NRCAM: variants seen among roughly 807,000 people sequenced by gnomAD.
The protein encoded by NRCAM is NgCAM-related cell adhesion molecule.
NRCAM carries 83 observed loss-of-function variants against 156.5 expected under a neutral mutation model. That is an observed-to-expected ratio of 0.53 (90% CI 0.44 to 0.64). The LOEUF is 0.64. NRCAM is among the 30% of genes least tolerant of loss of function. The pLI, the probability that NRCAM is intolerant of heterozygous loss-of-function variation, is 0.00. For missense variants in NRCAM, 1,417 were observed against 1,597.3 expected, an observed-to-expected ratio of 0.89 and a Z score of 1.92; for synonymous variants, 538 against 563.9, an observed-to-expected ratio of 0.95 and a Z score of 0.65.
chr7:108,444,880 G>A (rs1018986257), intron 1 of NRCAM, among the ~76,000 whole-genome samples: 5 of 152,026 alleles, frequency 3.3e-5, no homozygotes, highest in Non-Finnish European at 4.4e-5. Flanking sequence ...ATTCTGTGTC[G>A]ACAGAGTCCA....
At chr7:108,346,895 CAT>C in intron 2 of NRCAM, among the ~76,000 whole-genome samples, 1 of 119,322 alleles carries the variant, frequency 8.4e-6, no homozygotes, top group South Asian at 2.8e-4. Flanking sequence ...GTTTAATATT[CAT>C]CATATGTTTA....
intron 3 of NRCAM, among the ~76,000 whole-genome samples, chr7:108,293,748 A>G (rs2098385282): frequency 6.6e-6 from 1 of 152,164 alleles, no homozygotes; most frequent in South Asian, 2.1e-4. Flanking sequence ...ACTCTGCAAG[A>G]TATTATTATT....
intron 1 of NRCAM, among the ~76,000 whole-genome samples, chr7:108,412,145 C>A (rs1796185291): frequency 6.6e-6 from 1 of 151,960 alleles, no homozygotes; most frequent in South Asian, 2.1e-4. Flanking sequence ...ACACTATATA[C>A]CATCAATTTT....
chr7:108,172,075 C>T (rs1159140114), intron 28 of NRCAM, among the ~76,000 whole-genome samples: 1 of 152,120 alleles, frequency 6.6e-6, no homozygotes, highest in Non-Finnish European at 1.5e-5. Flanking sequence ...TAGTTTATCC[C>T]TGTTTCTGTA....
chr7:108,400,108 G>C (rs554870109), intron 1 of NRCAM, among the ~76,000 whole-genome samples: 3 of 152,052 alleles, frequency 2.0e-5, no homozygotes, highest in Non-Finnish European at 4.4e-5. Context: ...CTTTGAAGGC[G>C]GTAAGAAAAT....
intron 2 of NRCAM, among the ~76,000 whole-genome samples, chr7:108,329,376 G>T (rs2099103776): frequency 6.6e-6 from 1 of 152,110 alleles, no homozygotes; most frequent in African/African-American, 2.4e-5. Flanking sequence ...TGTCCAGTAG[G>T]ACCTCATTGT....
At chr7:108,382,679 T>TAGATGCA (rs1475049137) in intron 2 of NRCAM, among the ~76,000 whole-genome samples, 1 of 152,136 alleles carries the variant, frequency 6.6e-6, no homozygotes, top group Non-Finnish European at 1.5e-5. Flanking sequence ...TACCCTGGCA[T>TAGATGCA]CTAAGTACTA....
At chr7:108,386,220 T>C (rs975103200) in intron 2 of NRCAM, among the ~76,000 whole-genome samples, 1 of 152,208 alleles carries the variant, frequency 6.6e-6, no homozygotes, top group African/African-American at 2.4e-5. Context: ...TCTTCATCTA[T>C]ATCATTCTAA....
chr7:108,391,603 T>C (rs1485363647), intron 2 of NRCAM, among the ~76,000 whole-genome samples: 2 of 152,316 alleles, frequency 1.3e-5, no homozygotes, highest in African/African-American at 4.8e-5. Context: ...ATGTGTGAAT[T>C]TGATCCTGTC....
At chr7:108,454,427 G>C (rs1381118347) in intron 1 of NRCAM, among the ~76,000 whole-genome samples, 1 of 152,160 alleles carries the variant, frequency 6.6e-6, no homozygotes, top group African/African-American at 2.4e-5. Context: ...AAAGTTACTT[G>C]GTTTCTCTAA....
At position 108,178,130 on chromosome 7, in the gene NRCAM, C is replaced by T. The variant is rs536756788; in HGVS notation, c.2852-18G>A. On this transcript the variant is annotated intron_variant, in intron 25 of 32. Coordinates refer to ENST00000379028, the MANE Select transcript of NRCAM (RefSeq NM_001037132.4). ...ACTGGGGACTTACAGTGAGAACTTACAGTCAACACAAAGATTTCTGAATGT... is the reference window on the plus strand; with the variant it reads ...ACTGGGGACTTACAGTGAGAACTTATAGTCAACACAAAGATTTCTGAATGT... 44 of 1,606,694 alleles carry T rather than the reference C, an allele frequency of 2.7e-5. No homozygotes were observed. The highest frequency in any genetic ancestry group is 5.1e-5 in the Admixed American group (3 of 58,640).
intron 13 of NRCAM, among the ~76,000 whole-genome samples, chr7:108,202,039 A>G (rs1032898649): frequency 6.6e-6 from 1 of 152,214 alleles, no homozygotes; most frequent in African/African-American, 2.4e-5. Flanking sequence ...TGGGCTGGCT[A>G]GTGGGTAGAG....
intron 1 of NRCAM, among the ~76,000 whole-genome samples, chr7:108,403,850 T>G (rs1281722588): frequency 1.3e-5 from 2 of 152,230 alleles, no homozygotes; most frequent in African/African-American, 2.4e-5. Context: ...TTTTAGGTCA[T>G]CGGTATCCCC....
At position 108,446,976 on chromosome 7, in the gene NRCAM, C is replaced by T. The variant is rs531633609; in HGVS notation, c.-332+9267G>A. Among the ~76,000 whole-genome samples, 22 of 152,108 alleles carry T rather than the reference C, an allele frequency of 1.4e-4. No homozygotes were observed. The East Asian group carries it at 4.1e-3, about 28-fold the overall frequency. Reference sequence around the variant, plus strand: ...AATTCCCGACCTCAAGTGATCTGCCCGCCCAGGCCTCCCAAAGTGCTGGGA... The same window carrying T: ...AATTCCCGACCTCAAGTGATCTGCCTGCCCAGGCCTCCCAAAGTGCTGGGA... On this transcript the variant is annotated intron_variant, in intron 1 of 32. Coordinates refer to ENST00000379028, the MANE Select transcript of NRCAM (RefSeq NM_001037132.4).
intron 2 of NRCAM, among the ~76,000 whole-genome samples, chr7:108,368,224 A>C (rs868248224): frequency 0.012 from 1,068 of 90,876 alleles, no homozygotes; most frequent in Middle Eastern, 0.025. Flanking sequence ...ACACTTTCAT[A>C]CCCCCCCCCA....
At chr7:108,204,888 T>C (rs938919072) in intron 13 of NRCAM, among the ~76,000 whole-genome samples, 2 of 152,236 alleles carry the variant, frequency 1.3e-5, no homozygotes, top group Admixed American at 1.3e-4. Context: ...CTACTCTTTC[T>C]GCTATTACTA....
At chr7:108,314,059 A>G (rs186859556) in intron 2 of NRCAM, among the ~76,000 whole-genome samples, 1 of 152,364 alleles carries the variant, frequency 6.6e-6, no homozygotes, top group South Asian at 2.1e-4. Context: ...CGCTCTAAAA[A>G]GCACAGATAT....
intron 14 of NRCAM, among the ~76,000 whole-genome samples, chr7:108,196,227 A>C (rs1256107498): frequency 6.6e-6 from 1 of 152,116 alleles, no homozygotes; most frequent in Non-Finnish European, 1.5e-5. Context: ...TCATAACCCT[A>C]GTGGGTAGGA....
At chr7:108,431,112 A>AT (rs1488436682) in intron 1 of NRCAM, among the ~76,000 whole-genome samples, 3 of 152,156 alleles carry the variant, frequency 2.0e-5, no homozygotes, top group African/African-American at 7.2e-5. Flanking sequence ...TTATTACCTC[A>AT]TTTTCTCTCC....
Sources: gnomAD v4.1 joint callset for allele counts (sites outside exome capture counted in the v4.1 genomes callset) on GRCh38, gnomAD v4.1.1 for gene constraint, MANE v1.5 for transcripts, NCBI Gene and HGNC (gene_info 2026-07-23, HGNC 2026-07-21) for gene names.